The following SOX5 variants were observed in gnomAD, a reference collection of about 807,000 sequenced individuals.
SOX5 encodes SRY-box transcription factor 5.
Under a neutral mutation model 92.0 loss-of-function variants are expected in SOX5, and 9 were observed. The ratio of observed to expected loss-of-function variants is 0.10; its 90% CI spans 0.06 to 0.17. The LOEUF (loss-of-function observed/expected upper bound fraction) is 0.17, where lower values mean the gene tolerates loss of function less well. Ranked by LOEUF, SOX5 falls within the 10% of genes least tolerant of loss-of-function variation. The probability of loss-of-function intolerance (pLI) is 1.00; values close to 1 mark genes in which losing one functional copy is unlikely to be tolerated. For synonymous variants in SOX5, 344 were observed against 336.3 expected (o/e 1.02, Z -0.25); for missense variants, 642 against 944.5 (o/e 0.68, Z 4.20).
At position 23,563,752 on chromosome 12, in the gene SOX5, A is replaced by T. The variant is rs578231970; in HGVS notation, c.1343-349T>A. The stretch of plus-strand genomic sequence containing the variant: ...AGTGCAAATATAAAACCCATTTTTA[A>T]TTTTTTTTCCTGCAAGGAACATTTG... On this transcript the variant is annotated intron_variant, in intron 10 of 14. Transcript: ENST00000451604. Among the ~76,000 whole-genome samples, 11 of 152,036 alleles carry T rather than the reference A, an allele frequency of 7.2e-5. No homozygotes were observed. In the East Asian group the frequency reaches 1.9e-3, roughly 27 times the overall value.
chr12:23,631,468 C>T (rs955445749), intron 8 of SOX5, among the ~76,000 whole-genome samples: 6 of 152,044 alleles, frequency 3.9e-5, no homozygotes, highest in Non-Finnish European at 2.9e-5. Context: ...AAAAAGTATA[C>T]TTTAAAAATT....
chr12:24,018,798 G>A (rs897067610), intron 4 of SOX5, among the ~76,000 whole-genome samples: 2 of 151,438 alleles, frequency 1.3e-5, no homozygotes, highest in East Asian at 1.9e-4. Context: ...ACTCTGTCTG[G>A]AAAAAAAATA....
intron 1 of SOX5, chr12:23,944,485 T>A (rs1252749150): frequency 6.6e-6 from 1 of 152,210 alleles, no homozygotes; most frequent in African/African-American, 2.4e-5. Context: ...AAAGAACAGC[T>A]TCCAAACTGC....
chr12:24,296,792 T>A (rs1346928332), intron 2 of SOX5, among the ~76,000 whole-genome samples: 2 of 146,946 alleles, frequency 1.4e-5, no homozygotes, highest in African/African-American at 2.5e-5. Context: ...AGAAAGCAAA[T>A]CTGTAATCGG....
Position 23,534,507 on chromosome 12 carries a change from G to T in SOX5, c.2004C>A (p.Ile668=). ...QYFNVGQQAQ[I]PIATAGVVYP... is the part of the protein sequence containing the mutation. ...ACACAACACCAGCAGTGGCAATGGGGATCTGTGCTTGTTGCCTGTCAAGAA... is the reference window on the plus strand; with the variant it reads ...ACACAACACCAGCAGTGGCAATGGGTATCTGTGCTTGTTGCCTGTCAAGAA... Residue 668 remains isoleucine (I), a synonymous_variant, in exon 15 of 15, where the codon ATC becomes ATA. Transcript: ENST00000451604. 6.2e-7 allele frequency: 1 copy of T among 1,612,176 alleles called. No individual in the cohort carries two copies. Among genetic ancestry groups the T allele is most frequent in the Non-Finnish European group, 8.5e-7 (1 of 1,179,142 alleles).
chr12:23,810,322 T>G (rs2095855299), intron 3 of SOX5, among the ~76,000 whole-genome samples: 1 of 152,184 alleles, frequency 6.6e-6, no homozygotes, highest in Non-Finnish European at 1.5e-5. Flanking sequence ...AAATTATTAT[T>G]ATGATCATTT....
intron 8 of SOX5, among the ~76,000 whole-genome samples, chr12:23,636,274 T>C (rs2079220718): frequency 6.6e-6 from 1 of 152,198 alleles, no homozygotes; most frequent in South Asian, 2.1e-4. Context: ...TATATGATGA[T>C]TTTTAGAATA....
chr12:24,538,177 C>T lies in SOX5; in HGVS notation c.-251+24152G>A, dbSNP rs553530088. On this transcript the variant is annotated intron_variant, in intron 1 of 4. Transcript: ENST00000446891. The stretch of plus-strand genomic sequence containing the variant: ...CCCAGGGATCTCTCTGTACTGACTG[C>T]ATTTACTGCTTTAAAATATTTTTAA... 7.9e-5 allele frequency among the ~76,000 whole-genome samples: 12 copies of T among 152,278 alleles called. No individual in the cohort carries two copies. In the East Asian group the frequency reaches 2.1e-3, roughly 27 times the overall value.
intron 2 of SOX5, among the ~76,000 whole-genome samples, chr12:23,861,054 C>T (rs1448787945): frequency 6.7e-6 from 1 of 149,932 alleles, no homozygotes; most frequent in Non-Finnish European, 1.5e-5. Flanking sequence ...AATGAGAAGG[C>T]TCTAGAACAA....
chr12:23,555,551 C>T (rs1388550026), intron 11 of SOX5, among the ~76,000 whole-genome samples: 1 of 151,720 alleles, frequency 6.6e-6, no homozygotes, highest in Admixed American at 6.6e-5. Context: ...CAAGCGTGGG[C>T]ACTTGCTAGC....
chr12:24,176,025 T>C (rs1419649462), intron 4 of SOX5, among the ~76,000 whole-genome samples: 3 of 151,732 alleles, frequency 2.0e-5, no homozygotes, highest in Non-Finnish European at 4.4e-5. Context: ...ACAGCAAAAA[T>C]TGAGATTAAA....
chr12:23,558,774 G>C (rs1945682311), intron 11 of SOX5, among the ~76,000 whole-genome samples: 1 of 152,040 alleles, frequency 6.6e-6, no homozygotes, highest in Non-Finnish European at 1.5e-5. Flanking sequence ...GGCTAATTTT[G>C]TATTTTTTAG....
intron 1 of SOX5, among the ~76,000 whole-genome samples, chr12:24,390,708 T>C (rs756939228): frequency 2.6e-5 from 4 of 152,204 alleles, no homozygotes; most frequent in Non-Finnish European, 5.9e-5. Context: ...ATTAAGATAA[T>C]GGCCTCCAGT....
At chr12:24,093,426 G>A (rs1944911936) in intron 4 of SOX5, among the ~76,000 whole-genome samples, 1 of 151,886 alleles carries the variant, frequency 6.6e-6, no homozygotes, top group Non-Finnish European at 1.5e-5. Context: ...GGGAAGCTGA[G>A]GCAGGAGAAT....
At chr12:23,828,923 C>T (rs1043424151) in intron 3 of SOX5, among the ~76,000 whole-genome samples, 9 of 152,138 alleles carry the variant, frequency 5.9e-5, no homozygotes, top group Non-Finnish European at 1.3e-4. Context: ...ATATGCTCAT[C>T]CTGTTCTGCC....
chr12:24,436,973 G>A (rs941952385), intron 1 of SOX5, among the ~76,000 whole-genome samples: 9 of 152,260 alleles, frequency 5.9e-5, no homozygotes, highest in Admixed American at 2.0e-4. Context: ...TTTTTACAAC[G>A]TGGCTTACTG....
intron 4 of SOX5, among the ~76,000 whole-genome samples, chr12:24,001,823 G>A (rs916200211): frequency 2.6e-5 from 4 of 152,116 alleles, no homozygotes; most frequent in African/African-American, 9.7e-5. Context: ...TAAGATGCAG[G>A]TATGGGGGTG....
intron 2 of SOX5, among the ~76,000 whole-genome samples, chr12:24,337,923 G>A (rs1746152329): frequency 6.6e-6 from 1 of 151,114 alleles, no homozygotes; most frequent in African/African-American, 2.4e-5. Context: ...GAATCACAAT[G>A]TGACACACAA....
intron 1 of SOX5, among the ~76,000 whole-genome samples, chr12:24,498,972 CCTT>C (rs1373240602): frequency 2.6e-5 from 4 of 152,150 alleles, no homozygotes; most frequent in Non-Finnish European, 4.4e-5. Context: ...ACAGTTGGCT[CCTT>C]CTTTGCATTC....
Sources: gnomAD v4.1 joint callset for allele counts (sites outside exome capture counted in the v4.1 genomes callset) on GRCh38, gnomAD v4.1.1 for gene constraint, MANE v1.5 for transcripts, NCBI Gene and HGNC (gene_info 2026-07-23, HGNC 2026-07-21) for gene names.